Variants in SIGLEC1 observed in about 807,000 individuals in gnomAD.
SIGLEC1 encodes the protein sialic acid binding Ig like lectin 1, also known as sialoadhesin.
In SIGLEC1, 132 loss-of-function variants were observed where a neutral mutation model predicts 148.0. That is an observed-to-expected ratio of 0.89 (90% CI 0.77 to 1.03). SIGLEC1 has a LOEUF of 1.03. Ranked by LOEUF, SIGLEC1 falls within the 50% of genes least tolerant of loss-of-function variation. The probability of loss-of-function intolerance (pLI) is 0.00; values close to 1 mark genes in which losing one functional copy is unlikely to be tolerated. For missense variants in SIGLEC1, 2,253 were observed against 2,271.4 expected (o/e 0.99, Z 0.16); for synonymous variants, 945 against 969.0 (o/e 0.98, Z 0.46).
chr20:3,691,763 T>G (rs755240), intron 17 of SIGLEC1, 140 bp downstream of exon 17: 53,660 of 1,314,694 alleles, frequency 0.041, 2,336 homozygotes, highest in East Asian at 0.16. Context: ...GTGGGAGCTG[T>G]GCCCCCTCCA....
rs1317895496 is a variant in SIGLEC1 at position 3,697,323 on chromosome 20, TG to T, written c.2141del (p.Ala714AspfsTer14). 1 of 1,613,644 alleles carries T rather than the reference TG, an allele frequency of 6.2e-7. No homozygotes were observed. The highest frequency in any genetic ancestry group is 8.5e-7 in the Non-Finnish European group (1 of 1,180,014). On this transcript the variant is annotated frameshift_variant, in exon 10 of 22. Transcript: ENST00000344754. LOFTEE classifies it high-confidence loss of function. ...FNGQATVLAI[A>X]PSHTLQEGTE... is the part of the protein sequence containing the mutation. Reference sequence around the variant, plus strand: ...TGCCCTCCTGAAGTGTGTGTGATGGTGCAATGGCCAGGACAGTGGCTGGAGA... The same window carrying T: ...TGCCCTCCTGAAGTGTGTGTGATGGTCAATGGCCAGGACAGTGGCTGGAGA...
intron 20 of SIGLEC1, 108 bp from the exon 21 acceptor site, chr20:3,689,335 C>A (rs988504524): frequency 1.7e-5 from 17 of 983,636 alleles, no homozygotes; most frequent in Non-Finnish European, 2.3e-5. Context: ...GCGTGGGAAC[C>A]TCATGGAGAG....
Position 3,697,242 on chromosome 20 carries a change from G to A in SIGLEC1, c.2223C>T (p.Asn741=). 3 of 1,613,998 alleles carry A rather than the reference G, an allele frequency of 1.9e-6. No homozygotes were observed. Among genetic ancestry groups the A allele is most frequent in the Non-Finnish European group, 2.5e-6 (3 of 1,180,044 alleles). Residue 741 remains asparagine (N), a synonymous_variant, in exon 10 of 22, where the codon AAC becomes AAT. Transcript: ENST00000344754. ...GCACCCCATTTCGGAACCAGGAGAA[G>A]TTAGCAGGGCTGCCAGCAGCTTCCC... ...VSREAAGSPA[N]FSWFRNGVLW...
rs540261697 is a variant in SIGLEC1, at chr20:3,710,347, G to A, written c.-110+2123C>T. Among the ~76,000 whole-genome samples the A allele has an allele frequency of 2.6e-5, 4 of 152,312 alleles. No homozygotes were observed. Among genetic ancestry groups the A allele is most frequent in the East Asian group, 3.9e-4 (2 of 5,180 alleles). On this transcript the variant is annotated intron_variant, in intron 1 of 21. Coordinates refer to ENST00000344754, the MANE Select transcript of SIGLEC1 (RefSeq NM_023068.4). The surrounding 1 kb of genome is among the most constrained non-coding windows in gnomAD (Gnocchi z 4.6). ...CCCAGCAGGGGGCACAGTACAGGGC[G>A]GGATTGGGACAGGAAGGACACCGCT...
chr20:3,702,333 C>T (rs1385787839), intron 6 of SIGLEC1, among the ~76,000 whole-genome samples: 1 of 152,106 alleles, frequency 6.6e-6, no homozygotes, highest in African/African-American at 2.4e-5. Context: ...TACCTGTAAT[C>T]CCAGTACTTT....
In SIGLEC1 at chr20:3,687,292, T is replaced by G. The variant is rs937285309; in HGVS notation, c.*1268A>C. On this transcript the variant is annotated 3_prime_UTR_variant, in exon 22 of 22. Transcript: ENST00000344754. ...CTGATTCGCAGGGGCACGTCATTCCTTCTTGGTAACTCATTCTCTTTAACA... is the reference window on the plus strand; with the variant it reads ...CTGATTCGCAGGGGCACGTCATTCCGTCTTGGTAACTCATTCTCTTTAACA... The G allele has an allele frequency of 1.3e-5, 2 of 152,294 alleles. No individual in the cohort carries two copies. Among genetic ancestry groups the G allele is most frequent in the Non-Finnish European group, 2.9e-5 (2 of 68,070 alleles). The allele number at this position is 152,294 out of a possible 1,614,324, so 9.4% of individuals were successfully genotyped here.
Position 3,704,070 on chromosome 20 carries a change from A to C in SIGLEC1, c.728T>G (p.Ile243Ser), listed in dbSNP as rs753667042. The change falls in exon 5 of 22, where the codon ATC becomes AGC. Residue 243 changes from isoleucine to serine, a missense_variant. Ile to Ser is a moderately radical substitution (Grantham distance 142). Transcript: ENST00000344754. Reference protein sequence around the residue: ...QVKYAPKGVKILLSPSGRNIL... With the variant: ...QVKYAPKGVKSLLSPSGRNIL... ...GTTCCTCCCCGAGGGGCTGAGGAGG[A>C]TCTTCACACCCTTGGGGGCATCTGC... is the stretch of plus-strand genomic sequence containing the variant. The C allele has an allele frequency of 6.2e-6, 10 of 1,611,922 alleles. No homozygotes were observed. The highest frequency in any genetic ancestry group is 6.8e-6 in the Non-Finnish European group (8 of 1,179,356).
chr20:3,706,320 G>C, intron 3 of SIGLEC1, 27 bp downstream of exon 3: 1 of 1,587,044 alleles, frequency 6.3e-7, no homozygotes, highest in African/African-American at 1.3e-5. Context: ...CCCTCCCGGG[G>C]GGCAGCCAGG....
At chr20:3,711,108 G>T (rs773929952) in intron 1 of SIGLEC1, among the ~76,000 whole-genome samples, 1 of 152,236 alleles carries the variant, frequency 6.6e-6, no homozygotes, top group Non-Finnish European at 1.5e-5. Context: ...TCCCGGGAAA[G>T]GGGGCGGTGT....
Position 3,701,660 on chromosome 20 carries a change from T to C in SIGLEC1, c.1229-19A>G. The C allele has an allele frequency of 6.5e-7, 1 of 1,533,810 alleles. No individual in the cohort carries two copies. Among genetic ancestry groups the C allele is most frequent in the Non-Finnish European group, 8.8e-7 (1 of 1,137,592 alleles). ...GGCGGGTCTGTGTGGAGACGAGAGG[T>C]GGGCCTGTCACCCTCAGACAAGGGC... is the stretch of plus-strand genomic sequence containing the variant. On this transcript the variant is annotated intron_variant, in intron 6 of 21. Coordinates refer to ENST00000344754, the MANE Select transcript of SIGLEC1 (RefSeq NM_023068.4).
chr20:3,704,256 C>T (rs992127539), intron 4 of SIGLEC1, among the ~76,000 whole-genome samples, 165 bp from the exon 5 acceptor site: 10 of 152,324 alleles, frequency 6.6e-5, no homozygotes, highest in South Asian at 6.2e-4. Context: ...TGCCCATGTC[C>T]GTCCCTTTCC....
intron 4 of SIGLEC1, among the ~76,000 whole-genome samples, chr20:3,704,293 T>G (rs932338742): frequency 2.6e-5 from 4 of 152,212 alleles, no homozygotes; most frequent in African/African-American, 9.6e-5. Flanking sequence ...TGCATTCCTA[T>G]GCCCATTGAG....
intron 14 of SIGLEC1, 134 bp downstream of exon 14, chr20:3,693,313 C>T: frequency 8.3e-7 from 1 of 1,211,564 alleles, no homozygotes; most frequent in Non-Finnish European, 1.1e-6. Context: ...ACTCTTAATG[C>T]TCCTTGCCCA....
At position 3,707,133 on chromosome 20, in the gene SIGLEC1, G is replaced by C. The variant is rs1278318537; in HGVS notation, c.-5C>G. On this transcript the variant is annotated 5_prime_UTR_variant, in exon 2 of 22. Coordinates refer to ENST00000344754, the MANE Select transcript of SIGLEC1 (RefSeq NM_023068.4). ...AAGCTTGGGCAAGAAGCCCATAGCAGGTTCTTGTGCTGCTCCTGTTGCCTA... is the reference window on the plus strand; with the variant it reads ...AAGCTTGGGCAAGAAGCCCATAGCACGTTCTTGTGCTGCTCCTGTTGCCTA... The C allele has an allele frequency of 4.3e-6, 7 of 1,613,982 alleles. No homozygotes were observed. The highest frequency in any genetic ancestry group is 1.1e-5 in the South Asian group (1 of 91,066).
chr20:3,694,351 A>G lies in SIGLEC1; in HGVS notation c.3126T>C (p.His1042=), dbSNP rs1231578984. Residue 1042 remains histidine, a synonymous_variant, in exon 13 of 22, where the codon CAT becomes CAC. Transcript: ENST00000344754. ...GCAGTGTGTTGGGGGCCACAGCCAC[A>G]TGCAGCCTGGGAGAGCTGCCTTCGG... ...GGPEGSSPRL[H]VAVAPNTLRL... is the part of the protein sequence containing the mutation. The G allele has an allele frequency of 8.1e-6, 13 of 1,613,162 alleles. No individual in the cohort carries two copies. The highest frequency in any genetic ancestry group is 1.7e-5 in the Admixed American group (1 of 60,006).
chr20:3,700,106 C>CTTTTT lies in SIGLEC1; in HGVS notation c.1529-652_1529-648dup, dbSNP rs58342380. Among the ~76,000 whole-genome samples the CTTTTT allele has an allele frequency of 3.9e-4, 14 of 36,116 alleles. 1 individual carries two copies. The East Asian group carries it at 5.7e-3, about 15-fold the overall frequency. 23.7% of individuals were successfully genotyped at this position (36,116 alleles called of 152,430 possible). On this transcript the variant is annotated intron_variant, in intron 7 of 21. Coordinates refer to ENST00000344754, the MANE Select transcript of SIGLEC1 (RefSeq NM_023068.4). ...TACAGGTGTGAGCCACTGTGGCCAG[C>CTTTTT]TTTTTTTTTTTTTTTTTTTTTTTTT...
At chr20:3,696,959 C>G (rs1252823334) in intron 10 of SIGLEC1, 71 bp from the exon 11 acceptor site, 4 of 1,528,502 alleles carry the variant, frequency 2.6e-6, no homozygotes, top group Non-Finnish European at 3.5e-6. Context: ...CTATGTCCCC[C>G]ACCTCCTGCC....
chr20:3,688,400 G>C lies in SIGLEC1; in HGVS notation c.*160C>G, dbSNP rs1360081158. On this transcript the variant is annotated 3_prime_UTR_variant, in exon 22 of 22. Coordinates refer to ENST00000344754, the MANE Select transcript of SIGLEC1 (RefSeq NM_023068.4). The stretch of plus-strand genomic sequence containing the variant: ...CAGACCTCTCACCACCCATTTTTGG[G>C]GGGGCAAGAGGCTTGGGGCCAGGTC... 8 of 698,590 alleles carry C rather than the reference G, an allele frequency of 1.1e-5. No individual in the cohort carries two copies. The highest frequency in any genetic ancestry group is 5.3e-5 in the African/African-American group (3 of 56,894). The allele number at this position is 698,590 out of a possible 1,614,324, so 43.3% of individuals were successfully genotyped here. A position where few individuals can be genotyped will look rare whatever the true frequency, so the allele number is the denominator to read the frequency against.
chr20:3,688,735 G>T, intron 21 of SIGLEC1, 116 bp from the exon 22 acceptor site: 1 of 756,568 alleles, frequency 1.3e-6, no homozygotes, highest in Non-Finnish European at 2.1e-6. Context: ...ATGGCTGGAA[G>T]TGTGACTTGG....
Sources: gnomAD v4.1 joint callset for allele counts (sites outside exome capture counted in the v4.1 genomes callset) on GRCh38, gnomAD v4.1.1 for gene constraint, Gnocchi (gnomAD v3.1) non-coding constraint, MANE v1.5 for transcripts, NCBI Gene and HGNC (gene_info 2026-07-23, HGNC 2026-07-21) for gene names.